Variants in KCNH7 observed in about 807,000 individuals in gnomAD.
KCNH7 encodes voltage-gated inwardly rectifying potassium channel KCNH7.
In KCNH7, 49 loss-of-function variants were observed where a neutral mutation model predicts 120.8. That is an observed-to-expected ratio of 0.41 (90% CI 0.32 to 0.51). The LOEUF (loss-of-function observed/expected upper bound fraction) is 0.51. Among genes scored for constraint, KCNH7 ranks in the 20% least tolerant of loss-of-function variants. KCNH7 has a pLI of 0.38. For synonymous variants in KCNH7, 547 were observed against 516.1 expected (o/e 1.06, Z -0.81); for missense variants, 1,097 against 1,446.6 (o/e 0.76, Z 3.92).
chr2:162,496,092 A>G (rs560514897), intron 6 of KCNH7, among the ~76,000 whole-genome samples: 1 of 152,180 alleles, frequency 6.6e-6, no homozygotes, highest in African/African-American at 2.4e-5. Context: ...TGGATGTGCC[A>G]TTCTTCCATG....
chr2:162,656,259 A>T (rs1219633742), intron 2 of KCNH7, among the ~76,000 whole-genome samples: 2 of 152,230 alleles, frequency 1.3e-5, no homozygotes, highest in Non-Finnish European at 2.9e-5. Flanking sequence ...TTGTTTCTAT[A>T]CAACCTTCAT....
At chr2:162,374,211 T>A (rs1289456022) in intron 14 of KCNH7, among the ~76,000 whole-genome samples, 1 of 152,226 alleles carries the variant, frequency 6.6e-6, no homozygotes, top group Non-Finnish European at 1.5e-5. Context: ...CTGTTAAATG[T>A]TAAATTCTTT....
intron 2 of KCNH7, among the ~76,000 whole-genome samples, chr2:162,646,590 G>A (rs531615692): frequency 6.6e-6 from 1 of 152,284 alleles, no homozygotes; most frequent in Admixed American, 6.5e-5. Flanking sequence ...AAAGCAGAAA[G>A]CGTCCTCTAA....
At chr2:162,637,382 C>A (rs574789859) in intron 2 of KCNH7, among the ~76,000 whole-genome samples, 2 of 152,178 alleles carry the variant, frequency 1.3e-5, no homozygotes, top group Non-Finnish European at 2.9e-5. Context: ...AAGAAACATA[C>A]CCGATAGTTC....
intron 2 of KCNH7, among the ~76,000 whole-genome samples, chr2:162,699,551 C>T (rs1686414708): frequency 1.3e-5 from 2 of 152,104 alleles, no homozygotes; most frequent in South Asian, 4.1e-4. Context: ...TTCTGGGTTG[C>T]ATGTGCAGAA....
At chr2:162,502,052 T>C (rs547614222) in intron 6 of KCNH7, 9 of 152,208 alleles carry the variant, frequency 5.9e-5, no homozygotes, top group African/African-American at 1.9e-4. Flanking sequence ...AAGTGTTATT[T>C]TGAAGGTAAA....
chr2:162,461,305 A>T (rs1032423526), intron 6 of KCNH7, among the ~76,000 whole-genome samples: 2 of 152,198 alleles, frequency 1.3e-5, no homozygotes, highest in African/African-American at 4.8e-5. Context: ...GCCATTTTTA[A>T]ATCTCCCTGA....
chr2:162,435,186 A>G lies in KCNH7; in HGVS notation c.1954+12T>C. The G allele has an allele frequency of 1.2e-6, 2 of 1,603,956 alleles. No homozygotes were observed. The highest frequency in any genetic ancestry group is 2.2e-5 in the South Asian group (2 of 89,694). ...TCTATCCTAATAGACAACAGAAGAG[A>G]AAGCTACTTACAGCCAATCAACATG... On this transcript the variant is annotated intron_variant, in intron 8 of 15. Transcript: ENST00000332142.
chr2:162,645,492 G>A (rs1374549643), intron 2 of KCNH7, among the ~76,000 whole-genome samples: 1 of 152,010 alleles, frequency 6.6e-6, no homozygotes, highest in African/African-American at 2.4e-5. Flanking sequence ...ATGGAACAGA[G>A]GTACCATGCT....
Position 162,396,117 on chromosome 2 carries a change from T to C in KCNH7, c.2613+623A>G, listed in dbSNP as rs1396382518. Among the ~76,000 whole-genome samples, 3 of 151,556 alleles carry C rather than the reference T, an allele frequency of 2.0e-5. No individual in the cohort carries two copies. In the East Asian group the frequency reaches 5.8e-4, roughly 29 times the overall value. On this transcript the variant is annotated intron_variant, in intron 11 of 15. Coordinates refer to ENST00000332142, the MANE Select transcript of KCNH7 (RefSeq NM_033272.4). ...GGCACATTTTCACAGTAGAAAAGAG[T>C]AAGGAACATAAGAGCTACACTCGAA... is the stretch of plus-strand genomic sequence containing the variant.
At chr2:162,657,921 G>A (rs1247093261) in intron 2 of KCNH7, among the ~76,000 whole-genome samples, 1 of 152,024 alleles carries the variant, frequency 6.6e-6, no homozygotes, top group East Asian at 1.9e-4. Context: ...CTGGAAGTTT[G>A]TGGCATTCCT....
intron 2 of KCNH7, among the ~76,000 whole-genome samples, chr2:162,767,450 G>GA (rs1282986170): frequency 1.3e-5 from 2 of 152,074 alleles, no homozygotes; most frequent in African/African-American, 4.8e-5. Flanking sequence ...TTGAGAGGTG[G>GA]AAAGAGGTTT....
At chr2:162,688,288 A>G (rs1244938936) in intron 2 of KCNH7, among the ~76,000 whole-genome samples, 2 of 152,088 alleles carry the variant, frequency 1.3e-5, no homozygotes, top group Non-Finnish European at 2.9e-5. Context: ...ACATATGTTC[A>G]CCTCCTTTTG....
At chr2:162,829,704 C>T (rs1324089375) in intron 2 of KCNH7, among the ~76,000 whole-genome samples, 2 of 151,788 alleles carry the variant, frequency 1.3e-5, no homozygotes, top group Admixed American at 1.3e-4. Flanking sequence ...TCTTAGATTA[C>T]TAAACAAAAC....
chr2:162,704,015 G>A (rs1409392206), intron 2 of KCNH7, among the ~76,000 whole-genome samples: 1 of 152,082 alleles, frequency 6.6e-6, no homozygotes, highest in Non-Finnish European at 1.5e-5. Context: ...GGTACAAGAG[G>A]TTTGTTTATA....
At chr2:162,527,695 G>GT (rs772042968) in intron 3 of KCNH7, among the ~76,000 whole-genome samples, 9 of 152,044 alleles carry the variant, frequency 5.9e-5, no homozygotes, top group Non-Finnish European at 8.8e-5. Flanking sequence ...CAAAATTTTA[G>GT]TAAGCGTAAA....
rs571100665 is a variant in KCNH7, at chr2:162,495,772, C to A, written c.1128+8671G>T. On this transcript the variant is annotated intron_variant, in intron 6 of 15. Coordinates refer to ENST00000332142, the MANE Select transcript of KCNH7 (RefSeq NM_033272.4). ...ATACCCAGCTGCAGCTCAGAAGAAA[C>A]AAAAGGGATGGATAATGTAAAAATC... Among the ~76,000 whole-genome samples the A allele has an allele frequency of 1.5e-4, 23 of 152,206 alleles. No individual in the cohort carries two copies. In the South Asian group the frequency reaches 4.8e-3, roughly 32 times the overall value.
At chr2:162,589,025 A>T (rs893003506) in intron 2 of KCNH7, among the ~76,000 whole-genome samples, 17 of 152,070 alleles carry the variant, frequency 1.1e-4, no homozygotes, top group Middle Eastern at 3.2e-3. Context: ...TGAGTAGATA[A>T]TCTGGGTAGT....
intron 2 of KCNH7, among the ~76,000 whole-genome samples, chr2:162,631,642 ATATAGT>A (rs1388109219): frequency 3.9e-5 from 6 of 152,088 alleles, no homozygotes; most frequent in Non-Finnish European, 5.9e-5. Context: ...GAGTTGGTAA[ATATAGT>A]TATAACACTC....
Sources: allele counts gnomAD v4.1 joint callset (sites outside exome capture counted in the v4.1 genomes callset), GRCh38; gene constraint gnomAD v4.1.1; transcripts MANE v1.5; gene names NCBI Gene and HGNC (gene_info 2026-07-23, HGNC 2026-07-21).